The following RELN variants were observed in gnomAD, a reference collection of about 807,000 sequenced individuals.
RELN encodes the protein reelin.
Under a neutral mutation model 427.6 loss-of-function variants are expected in RELN, and 108 were observed. The ratio of observed to expected loss-of-function variants is 0.25; its 90% confidence interval spans 0.22 to 0.30. RELN has a LOEUF of 0.30. RELN is among the 10% of genes least tolerant of loss of function. The pLI, the probability that RELN is intolerant of heterozygous loss-of-function variation, is 1.00. For synonymous variants in RELN, 1,524 were observed against 1,513.4 expected (o/e 1.01, Z -0.16); for missense variants, 3,715 against 4,302.8 (o/e 0.86, Z 3.82).
Position 103,850,554 on chromosome 7 carries a change from C to T in RELN, c.338-16882G>A, listed in dbSNP as rs961588961. On this transcript the variant is annotated intron_variant, in intron 2 of 64. Transcript: ENST00000428762. ...AAACTCCACAGGGAGAAGGAATTCT[C>T]TAGCTGAACTTTGTAGCAATTTGAA... Among the ~76,000 whole-genome samples the T allele has an allele frequency of 3.3e-5, 5 of 152,132 alleles. No homozygotes were observed. The South Asian group carries it at 1.0e-3, about 31-fold the overall frequency.
At chr7:103,587,363 A>G (rs1427836846) in intron 28 of RELN, among the ~76,000 whole-genome samples, 3 of 152,194 alleles carry the variant, frequency 2.0e-5, no homozygotes, top group African/African-American at 7.2e-5. Flanking sequence ...ATCTCTCACC[A>G]TATACAAAAA....
intron 28 of RELN, among the ~76,000 whole-genome samples, chr7:103,582,174 G>T (rs1831166715): frequency 6.6e-6 from 1 of 152,238 alleles, no homozygotes; most frequent in African/African-American, 2.4e-5. Context: ...TCCAGAGATG[G>T]AAGTCAGGTG....
At position 103,510,843 on chromosome 7, in the gene RELN, C is replaced by A. The variant is rs990555550; in HGVS notation, c.8274+8G>T. 3.1e-6 allele frequency: 5 copies of A among 1,607,124 alleles called. No individual in the cohort carries two copies. The East Asian group carries it at 1.1e-4, about 36-fold the overall frequency. ...GTTGTTTATATAATCAAGATCATAA[C>A]ATTTCACCTTGAATTGCATAATCCA... On this transcript the variant is annotated splice_region_variant and intron_variant, in intron 51 of 64. Transcript: ENST00000428762.
rs756157674 is a variant in RELN, at chr7:103,593,666, G to T, written c.3912+16C>A. On this transcript the variant is annotated intron_variant, in intron 27 of 64. Coordinates refer to ENST00000428762, the MANE Select transcript of RELN (RefSeq NM_005045.4). ...ACTCCTTAACTTGCTCTGGGAAGAA[G>T]CTTGTGCATAAATACCTTGAACTGT... 3 of 1,604,714 alleles carry T rather than the reference G, an allele frequency of 1.9e-6. No homozygotes were observed. Among genetic ancestry groups the T allele is most frequent in the Admixed American group, 3.3e-5 (2 of 59,974 alleles).
At chr7:103,765,170 G>A (rs1487143717) in intron 4 of RELN, among the ~76,000 whole-genome samples, 3 of 152,220 alleles carry the variant, frequency 2.0e-5, no homozygotes, top group Non-Finnish European at 4.4e-5. Flanking sequence ...AGTGGCTTCA[G>A]CATATTTAAG....
At chr7:103,810,294 AG>A (rs1792707125) in intron 3 of RELN, among the ~76,000 whole-genome samples, 2 of 152,126 alleles carry the variant, frequency 1.3e-5, no homozygotes, top group Admixed American at 6.6e-5. Context: ...TTACTTATTA[AG>A]CTACTAAGTA....
intron 44 of RELN, 115 bp downstream of exon 44, chr7:103,540,082 C>T (rs1289700005): frequency 8.3e-7 from 1 of 1,200,922 alleles, no homozygotes; most frequent in Non-Finnish European, 1.2e-6. Flanking sequence ...GCAAGTCACT[C>T]AACTGTCAGT....
intron 11 of RELN, among the ~76,000 whole-genome samples, chr7:103,677,866 A>G (rs1562953007): frequency 6.6e-6 from 1 of 150,716 alleles, no homozygotes; most frequent in Non-Finnish European, 1.5e-5. Context: ...TGCAGCATCC[A>G]TGACCTGGAG....
In RELN at chr7:103,805,078, A is replaced by G. The variant is rs1463107109; in HGVS notation, c.474-28451T>C. Reference sequence around the variant, plus strand: ...TATATTCCCTCAGGTTGAGTGGAAAAAAAAAACAACTCAATGTCAAGAAAA... The same window carrying G: ...TATATTCCCTCAGGTTGAGTGGAAAGAAAAAACAACTCAATGTCAAGAAAA... On this transcript the variant is annotated intron_variant, in intron 3 of 64. Transcript: ENST00000428762. 2.6e-5 allele frequency among the ~76,000 whole-genome samples: 4 copies of G among 152,214 alleles called. No homozygotes were observed. The South Asian group carries it at 6.2e-4, about 24-fold the overall frequency.
At chr7:103,976,097 G>C (rs1300226097) in intron 1 of RELN, among the ~76,000 whole-genome samples, 1 of 152,202 alleles carries the variant, frequency 6.6e-6, no homozygotes. Flanking sequence ...AGTAACCAAA[G>C]AGGCAGGTGC....
At chr7:103,922,698 C>A (rs7792066) in intron 1 of RELN, among the ~76,000 whole-genome samples, 1 of 151,818 alleles carries the variant, frequency 6.6e-6, no homozygotes, top group Non-Finnish European at 1.5e-5. Context: ...ACATTCCCCA[C>A]GAGACCCTAA....
chr7:103,596,494 C>T lies in RELN; in HGVS notation c.3501G>A (p.Leu1167=), dbSNP rs778564879. 4.3e-6 allele frequency: 7 copies of T among 1,614,022 alleles called. No individual in the cohort carries two copies. The highest frequency in any genetic ancestry group is 1.1e-5 in the South Asian group (1 of 91,074). The part of the protein sequence containing the change: ...YSNNGGIQWH[L]LAEMYFSDFS... ...AGTCTGAAAAGTACATCTCTGCTAG[C>T]AGGTGCCACTGGATGCCCCCATTGT... Residue 1167 remains leucine (L), a synonymous_variant, in exon 25 of 65, where the codon CTG becomes CTA. Coordinates refer to ENST00000428762, the MANE Select transcript of RELN (RefSeq NM_005045.4).
intron 40 of RELN, among the ~76,000 whole-genome samples, chr7:103,552,327 T>C (rs1332223583): frequency 6.6e-6 from 1 of 152,150 alleles, no homozygotes; most frequent in African/African-American, 2.4e-5. Context: ...GAACCACTTA[T>C]TGATATACAC....
rs148738998 is a variant in RELN, at chr7:103,778,337, C to T, written c.474-1710G>A. Among the ~76,000 whole-genome samples, 388 of 152,308 alleles carry T rather than the reference C, an allele frequency of 2.5e-3. 1 individual carries two copies. The highest frequency in any genetic ancestry group is 8.7e-3 in the African/African-American group (361 of 41,560). On this transcript the variant is annotated intron_variant, in intron 3 of 64. Coordinates refer to ENST00000428762, the MANE Select transcript of RELN (RefSeq NM_005045.4). ...AGTGATCACCAATGTAGAATTTTAA[C>T]GTGACATTTGCTTTGGAAGGGACAC...
At position 103,495,805 on chromosome 7, in the gene RELN, G is replaced by A; in HGVS notation, c.9287C>T (p.Pro3096Leu). The A allele has an allele frequency of 2.5e-6, 4 of 1,613,796 alleles. No homozygotes were observed. The highest frequency in any genetic ancestry group is 1.7e-6 in the Non-Finnish European group (2 of 1,179,930). Residue 3096 changes from proline to leucine, a missense_variant, in exon 57 of 65, where the codon CCA (proline) becomes CTA (leucine). Coordinates refer to ENST00000428762, the MANE Select transcript of RELN (RefSeq NM_005045.4). ...CGNPSFHLYW[P>L]NKKKDKTHNA... ...GTGAGTCTTGTCCTTCTTTTTATTT[G>A]GCCAATAGAGGTGAAAGGATGGATT...
In RELN at chr7:103,661,507, A is replaced by G. The variant is rs1833141716; in HGVS notation, c.1310T>C (p.Val437Ala). 1 of 1,613,746 alleles carries G rather than the reference A, an allele frequency of 6.2e-7. No individual in the cohort carries two copies. Among genetic ancestry groups the G allele is most frequent in the Non-Finnish European group, 8.5e-7 (1 of 1,179,848 alleles). Residue 437 changes from valine to alanine, a missense_variant, in exon 12 of 65, where the codon GTC becomes GCC. Around this residue, in one of 4 missense-constraint regions of RELN, gnomAD observed 2,208 missense variants for 2,361.7 expected, o/e 0.93. Transcript: ENST00000428762. Reference sequence around the variant, plus strand: ...TATCGTTCCACATTCTGTACCAATGACAGCTCCCAAGACATCCCATCTAAA... The same window carrying G: ...TATCGTTCCACATTCTGTACCAATGGCAGCTCCCAAGACATCCCATCTAAA... The part of the protein sequence containing the change: ...QPTGWDVLGA[V>A]IGTECGTIES...
At chr7:103,696,768 T>C (rs1265785492) in intron 10 of RELN, among the ~76,000 whole-genome samples, 1 of 152,098 alleles carries the variant, frequency 6.6e-6, no homozygotes, top group African/African-American at 2.4e-5. Flanking sequence ...TGCATGCACT[T>C]TTTCTTCCTT....
intron 1 of RELN, among the ~76,000 whole-genome samples, chr7:103,967,647 A>G (rs1279123827): frequency 6.6e-6 from 1 of 152,238 alleles, no homozygotes; most frequent in Non-Finnish European, 1.5e-5. Flanking sequence ...ATCCTCAGAC[A>G]GAACCTGCCT....
intron 28 of RELN, among the ~76,000 whole-genome samples, chr7:103,579,916 G>A (rs1161101909): frequency 6.6e-6 from 1 of 152,186 alleles, no homozygotes; most frequent in African/African-American, 2.4e-5. Context: ...GTCCTGCACA[G>A]AGACACCCAC....
Sources: gnomAD v4.1 joint callset for allele counts (sites outside exome capture counted in the v4.1 genomes callset) on GRCh38, gnomAD v4.1.1 for gene constraint, gnomAD v4.1.1 regional missense constraint, MANE v1.5 for transcripts, NCBI Gene and HGNC (gene_info 2026-07-23, HGNC 2026-07-21) for gene names.